Variants in DENND4A observed in about 807,000 individuals in gnomAD.
DENND4A encodes the protein DENN domain containing 4A, also known as C-myc promoter-binding protein.
In DENND4A, 70 loss-of-function variants were observed where a neutral mutation model predicts 199.3. The observed-to-expected ratio is 0.35, with a 90% CI of 0.29 to 0.43. The LOEUF (loss-of-function observed/expected upper bound fraction) is 0.43, where lower values mean the gene tolerates loss of function less well. DENND4A is among the 20% of genes least tolerant of loss of function. The pLI is 1.00. For missense variants in DENND4A, 1,723 were observed against 2,255.8 expected (o/e 0.76, Z 4.78); for synonymous variants, 686 against 766.9 (o/e 0.89, Z 1.74).
At chr15:65,755,127 C>G (rs1424786142) in intron 3 of DENND4A, among the ~76,000 whole-genome samples, 1 of 152,086 alleles carries the variant, frequency 6.6e-6, no homozygotes, top group Non-Finnish European at 1.5e-5. Flanking sequence ...AAACATTATG[C>G]TAAGAAGTCA....
At chr15:65,757,148 T>G (rs916498999) in intron 2 of DENND4A, among the ~76,000 whole-genome samples, 5 of 151,894 alleles carry the variant, frequency 3.3e-5, no homozygotes, top group African/African-American at 1.2e-4. Flanking sequence ...CCCAAAACAC[T>G]GAAGAAACCA....
chr15:65,791,146 C>G (rs1377221615), intron 1 of DENND4A, among the ~76,000 whole-genome samples: 1 of 152,196 alleles, frequency 6.6e-6, no homozygotes, highest in Non-Finnish European at 1.5e-5. Flanking sequence ...CACGCGTTTT[C>G]TCCTCAAATA....
At chr15:65,719,338 T>TA (rs2075530210) in intron 12 of DENND4A, 1 of 150,550 alleles carries the variant, frequency 6.6e-6, no homozygotes, top group Non-Finnish European at 1.5e-5. Flanking sequence ...TTTTTTTTTT[T>TA]AATATAAGTA....
rs1001818319 is a variant in DENND4A at position 65,702,359 on chromosome 15, T to C, written c.2376A>G (p.Thr792=). The C allele has an allele frequency of 1.2e-5, 19 of 1,553,708 alleles. No individual in the cohort carries two copies. Among genetic ancestry groups the C allele is most frequent in the Admixed American group, 2.0e-5 (1 of 51,076 alleles). The change falls in exon 17 of 33, where the codon ACA becomes ACG. Residue 792 remains threonine, a synonymous_variant. Transcript: ENST00000443035. ...VCHSKVRALK[T]AYDVLKKMQS... ...GCATTTTTTTAAGCACATCATATGC[T>C]GTTTTCAGAGCCCTGACTTTTGAAT...
intron 1 of DENND4A, 63 bp downstream of exon 1, chr15:65,791,947 A>C (rs2077743534): frequency 4.7e-5 from 7 of 148,652 alleles, no homozygotes; most frequent in East Asian, 2.0e-4. Context: ...CCCGGCTGTC[A>C]CCTCTCCGGG....
intron 6 of DENND4A, among the ~76,000 whole-genome samples, chr15:65,738,450 C>T (rs1336552666): frequency 1.3e-5 from 2 of 151,968 alleles, no homozygotes; most frequent in African/African-American, 4.8e-5. Context: ...TTCTTTATCA[C>T]AGAAAATGAA....
At chr15:65,760,250 A>G (rs2076817535) in intron 2 of DENND4A, among the ~76,000 whole-genome samples, 1 of 152,184 alleles carries the variant, frequency 6.6e-6, no homozygotes, top group African/African-American at 2.4e-5. Flanking sequence ...TAATCCCAGC[A>G]CTTTGGAAGG....
At chr15:65,695,552 T>TAGTCTG (rs900624894) in intron 22 of DENND4A, among the ~76,000 whole-genome samples, 2 of 152,142 alleles carry the variant, frequency 1.3e-5, no homozygotes, top group African/African-American at 2.4e-5. Context: ...TATCTAACTG[T>TAGTCTG]GTTGCAAAAA....
rs746036087 is a variant in DENND4A at position 65,756,173 on chromosome 15, C to T, written c.278G>A (p.Arg93Lys). Residue 93 changes from arginine to lysine, a missense_variant, in exon 3 of 33, where the codon AGA becomes AAA. Arg to Lys is a conservative substitution (Grantham distance 26). Transcript: ENST00000443035. ...VGPQIYLCYR[R>K]GRDKPPLTDL... Reference sequence around the variant, plus strand: ...TGTAAGTGGAGGCTTATCTCTTCCTCTTCTATAGCAAAGGTAAATCTGTGG... The same window carrying T: ...TGTAAGTGGAGGCTTATCTCTTCCTTTTCTATAGCAAAGGTAAATCTGTGG... 1 of 1,610,622 alleles carries T rather than the reference C, an allele frequency of 6.2e-7. No individual in the cohort carries two copies. Among genetic ancestry groups the T allele is most frequent in the Non-Finnish European group, 8.5e-7 (1 of 1,178,198 alleles).
chr15:65,691,030 C>T lies in DENND4A; in HGVS notation c.3564G>A (p.Lys1188=), dbSNP rs376338328. ...AGCTGCTGTTCATACGTTGAATCCT[C>T]TTGGGATTTTGTGTAGCAACACATC... is the stretch of plus-strand genomic sequence containing the variant. The part of the protein sequence containing the change: ...KAGCVATQNP[K]RIQRMNSSFS... The change falls in exon 23 of 33, where the codon AAG becomes AAA. Residue 1188 remains lysine, a synonymous_variant. Transcript: ENST00000443035. The T allele has an allele frequency of 1.6e-4, 262 of 1,612,130 alleles. No homozygotes were observed. Among genetic ancestry groups the T allele is most frequent in the Admixed American group, 3.0e-4 (18 of 59,654 alleles).
intron 12 of DENND4A, among the ~76,000 whole-genome samples, chr15:65,721,850 A>G (rs563612860): frequency 8.1e-4 from 124 of 152,332 alleles, no homozygotes; most frequent in African/African-American, 2.9e-3. Flanking sequence ...GTCATCTGCT[A>G]TAATACCAAC....
intron 1 of DENND4A, among the ~76,000 whole-genome samples, chr15:65,788,596 T>G (rs2077630250): frequency 6.6e-6 from 1 of 151,872 alleles, no homozygotes; most frequent in Non-Finnish European, 1.5e-5. Flanking sequence ...ACCGGCCAGG[T>G]GCAGTAATCA....
chr15:65,749,109 C>A (rs748766139), intron 4 of DENND4A, among the ~76,000 whole-genome samples: 1 of 150,536 alleles, frequency 6.6e-6, no homozygotes, highest in African/African-American at 2.5e-5. Flanking sequence ...CCAATATTCT[C>A]GTACTTTATT....
chr15:65,737,355 A>T (rs1174318776), intron 7 of DENND4A, among the ~76,000 whole-genome samples: 1 of 152,180 alleles, frequency 6.6e-6, no homozygotes, highest in African/African-American at 2.4e-5. Context: ...TATTGCACTC[A>T]GCCCCAGTAA....
In DENND4A at chr15:65,667,546, A is replaced by G; in HGVS notation, c.5144T>C (p.Val1715Ala). 6.2e-7 allele frequency: 1 copy of G among 1,613,964 alleles called. No individual in the cohort carries two copies. Among genetic ancestry groups the G allele is most frequent in the Non-Finnish European group, 8.5e-7 (1 of 1,179,864 alleles). ...GAAATACCATACCAGGTTCCAAAAA[A>G]CAATTGGATGATGGTCCACAAAGTC... Reference protein sequence around the residue: ...VADFVDHHPIVFWNLVWYFRR... With the variant: ...VADFVDHHPIAFWNLVWYFRR... Residue 1715 changes from valine (V) to alanine (A), a missense_variant, in exon 29 of 33, where the codon GTT becomes GCT. By Grantham distance (64) the Val-to-Ala change is moderately conservative (BLOSUM62 0). Coordinates refer to ENST00000443035, the MANE Select transcript of DENND4A (RefSeq NM_001320835.1).
At chr15:65,729,808 A>T in intron 9 of DENND4A, 130 bp from the exon 10 acceptor site, 1 of 809,490 alleles carries the variant, frequency 1.2e-6, no homozygotes, top group Non-Finnish European at 1.8e-6. Context: ...TACAATTTGT[A>T]TTATATATTC....
chr15:65,771,031 T>C (rs1258381813), intron 1 of DENND4A: 2 of 742,930 alleles, frequency 2.7e-6, no homozygotes, highest in Non-Finnish European at 4.2e-6. Flanking sequence ...CAGTAGGTCA[T>C]AAACAGTCCA....
intron 23 of DENND4A, among the ~76,000 whole-genome samples, chr15:65,677,874 G>C (rs1369452057): frequency 7.1e-6 from 1 of 141,510 alleles, no homozygotes; most frequent in Non-Finnish European, 1.5e-5. Flanking sequence ...TTTAATTATA[G>C]TTTTAGCATT....
chr15:65,750,305 A>T lies in DENND4A; in HGVS notation c.561+2074T>A, dbSNP rs150401375. Among the ~76,000 whole-genome samples the T allele has an allele frequency of 3.9e-4, 60 of 152,280 alleles. No individual in the cohort carries two copies. In the East Asian group the frequency reaches 0.011, roughly 28 times the overall value. On this transcript the variant is annotated intron_variant, in intron 4 of 32. Coordinates refer to ENST00000443035, the MANE Select transcript of DENND4A (RefSeq NM_001320835.1). The stretch of plus-strand genomic sequence containing the variant: ...ATTGGGTATACCTGGACATAAAGAT[A>T]GGAACAAAAGACGCTGGGGACTACT...
Sources: allele counts gnomAD v4.1 joint callset (sites outside exome capture counted in the v4.1 genomes callset), GRCh38; gene constraint gnomAD v4.1.1; transcripts MANE v1.5; gene names NCBI Gene and HGNC (gene_info 2026-07-23, HGNC 2026-07-21).